Variants in MALRD1 observed in about 807,000 individuals in gnomAD.
MALRD1 encodes MAM and LDL-receptor class A domain-containing protein 1.
MALRD1 carries 247 observed loss-of-function variants against 242.1 expected under a neutral mutation model. That is an observed-to-expected ratio of 1.02 (90% CI 0.92 to 1.13). The LOEUF is 1.13. Ranked by LOEUF, MALRD1 falls within the 50% of genes most tolerant of loss-of-function variation. The pLI is 0.00. For synonymous variants in MALRD1, 995 were observed against 866.6 expected (o/e 1.15, Z -2.60); for missense variants, 2,989 against 2,533.1 (o/e 1.18, Z -3.86).
intron 38 of MALRD1, among the ~76,000 whole-genome samples, chr10:19,703,364 A>T (rs189478570): frequency 7.9e-5 from 12 of 152,306 alleles, no homozygotes; most frequent in Middle Eastern, 3.4e-3. Context: ...GGGCCACAGC[A>T]CACCATAGCT....
intron 12 of MALRD1, among the ~76,000 whole-genome samples, chr10:19,157,767 G>A (rs1834227238): frequency 6.6e-6 from 1 of 151,942 alleles, no homozygotes; most frequent in African/African-American, 2.4e-5. Context: ...GAAATTATAT[G>A]GTTTTTTTTT....
At chr10:19,235,668 G>A (rs747107347) in intron 18 of MALRD1, among the ~76,000 whole-genome samples, 38 of 148,258 alleles carry the variant, frequency 2.6e-4, no homozygotes, top group Non-Finnish European at 3.0e-4. Context: ...ACACTTTCTA[G>A]TACAGAATGA....
chr10:19,304,336 C>CT (rs112202836), intron 21 of MALRD1, among the ~76,000 whole-genome samples: 7,698 of 151,548 alleles, frequency 0.051, 354 homozygotes, highest in African/African-American at 0.13. Context: ...GTCTATCCCT[C>CT]ATCTCTCTCT....
At chr10:19,048,568 C>G (rs886988644), upstream of MALRD1, among the ~76,000 whole-genome samples, 4 of 152,100 alleles carry the variant, frequency 2.6e-5, no homozygotes, top group African/African-American at 9.7e-5. Flanking sequence ...TAATTTATAG[C>G]TTTATTGTGG....
At chr10:19,371,761 T>A (rs957411659) in intron 26 of MALRD1, among the ~76,000 whole-genome samples, 1 of 152,246 alleles carries the variant, frequency 6.6e-6, no homozygotes, top group African/African-American at 2.4e-5. Context: ...TGTGCATATA[T>A]AAAGGTGTAT....
intron 22 of MALRD1, among the ~76,000 whole-genome samples, chr10:19,326,085 A>T (rs561919509): frequency 1.1e-3 from 161 of 152,268 alleles, no homozygotes; most frequent in South Asian, 7.2e-3. Flanking sequence ...GTTAAAAAGT[A>T]TATTTGTGTG....
chr10:19,367,797 A>C (rs1309789619), intron 26 of MALRD1, among the ~76,000 whole-genome samples: 1 of 152,048 alleles, frequency 6.6e-6, no homozygotes, highest in African/African-American at 2.4e-5. Context: ...TATAATAGCC[A>C]TCCTACAAGG....
Position 19,582,362 on chromosome 10 carries a change from C to T in MALRD1, c.5681-12832C>T, listed in dbSNP as rs1267861809. 6.1e-5 allele frequency among the ~76,000 whole-genome samples: 9 copies of T among 148,660 alleles called. No homozygotes were observed. In the East Asian group the frequency reaches 1.8e-3, roughly 30 times the overall value. On this transcript the variant is annotated intron_variant, in intron 33 of 39. Coordinates refer to ENST00000454679, the MANE Select transcript of MALRD1 (RefSeq NM_001142308.3). ...AGGGTTTTTATGGTTTTAGGTCTAA[C>T]GTTTAAGTCTTTAATCCATCTTGAA...
chr10:19,122,763 T>A (rs1837109427), intron 5 of MALRD1, among the ~76,000 whole-genome samples: 1 of 152,080 alleles, frequency 6.6e-6, no homozygotes, highest in Admixed American at 6.6e-5. Context: ...TCTCACTCTG[T>A]CACCCAGGGT....
chr10:19,559,080 G>A (rs902328657), intron 32 of MALRD1, among the ~76,000 whole-genome samples: 2 of 152,070 alleles, frequency 1.3e-5, no homozygotes, highest in South Asian at 2.1e-4. Flanking sequence ...TTACTCAGGA[G>A]GCTGAGGTGG....
intron 1 of MALRD1, among the ~76,000 whole-genome samples, chr10:19,050,999 G>A (rs1470764483): frequency 6.6e-6 from 1 of 152,194 alleles, no homozygotes; most frequent in Non-Finnish European, 1.5e-5. Flanking sequence ...CGAATAAACA[G>A]ATTTCATTTT....
At chr10:19,681,783 C>T (rs1409805295) in intron 36 of MALRD1, among the ~76,000 whole-genome samples, 2 of 149,366 alleles carry the variant, frequency 1.3e-5, no homozygotes, top group Non-Finnish European at 3.0e-5. Flanking sequence ...GATTCTTTCT[C>T]ATCTTCATGA....
chr10:19,056,066 T>C (rs1834657012), intron 1 of MALRD1, among the ~76,000 whole-genome samples: 1 of 152,192 alleles, frequency 6.6e-6, no homozygotes, highest in Admixed American at 6.5e-5. Context: ...CTGTTTTTGC[T>C]GGTCTATTTT....
At chr10:19,587,469 A>G (rs1275376601) in intron 33 of MALRD1, among the ~76,000 whole-genome samples, 4 of 152,154 alleles carry the variant, frequency 2.6e-5, no homozygotes, top group Non-Finnish European at 5.9e-5. Context: ...TTTTCTCTAA[A>G]CATATTAATC....
chr10:19,584,600 T>C (rs1040079437), intron 33 of MALRD1, among the ~76,000 whole-genome samples: 1 of 152,124 alleles, frequency 6.6e-6, no homozygotes, highest in African/African-American at 2.4e-5. Context: ...TAGTTTGTTA[T>C]AATTTCTGTT....
intron 36 of MALRD1, among the ~76,000 whole-genome samples, chr10:19,634,239 C>T (rs1840031861): frequency 6.6e-6 from 1 of 152,118 alleles, no homozygotes; most frequent in Non-Finnish European, 1.5e-5. Flanking sequence ...TTCCCAGACT[C>T]CAATGCCAGA....
chr10:19,355,844 T>TTC (rs59718638), intron 26 of MALRD1, among the ~76,000 whole-genome samples: 1 of 49,168 alleles, frequency 2.0e-5, no homozygotes, highest in South Asian at 4.1e-4. Flanking sequence ...GAACATATAT[T>TTC]ATATATATAT....
chr10:19,532,816 A>G (rs1434784448), intron 32 of MALRD1, among the ~76,000 whole-genome samples: 3 of 152,222 alleles, frequency 2.0e-5, no homozygotes, highest in African/African-American at 2.4e-5. Flanking sequence ...GTTTGAGAGC[A>G]CACGAATAAA....
intron 28 of MALRD1, among the ~76,000 whole-genome samples, chr10:19,410,426 A>G (rs989959370): frequency 1.3e-5 from 2 of 152,164 alleles, no homozygotes; most frequent in African/African-American, 4.8e-5. Context: ...AAACGTATAG[A>G]TGAAATAATT....
Sources: allele counts gnomAD v4.1 joint callset (sites outside exome capture counted in the v4.1 genomes callset), GRCh38; gene constraint gnomAD v4.1.1; transcripts MANE v1.5; gene names NCBI Gene and HGNC (gene_info 2026-07-23, HGNC 2026-07-21).